The following HTT variants were observed in gnomAD, a reference collection of about 807,000 sequenced individuals.
HTT encodes the protein huntingtin.
HTT carries 104 observed loss-of-function variants against 362.3 expected under a neutral mutation model. The observed-to-expected ratio is 0.29, with a 90% CI of 0.24 to 0.34. The LOEUF (loss-of-function observed/expected upper bound fraction) is 0.34, where lower values mean the gene tolerates loss of function less well. HTT is among the 10% of genes least tolerant of loss of function. The probability of loss-of-function intolerance (pLI) is 1.00; values close to 1 mark genes in which losing one functional copy is unlikely to be tolerated. For missense variants in HTT, 3,301 were observed against 3,928.6 expected, an observed-to-expected ratio of 0.84 and a Z score of 4.27; for synonymous variants, 1,577 against 1,548.7, an observed-to-expected ratio of 1.02 and a Z score of -0.43.
At chr4:3,183,543 G>A (rs915562667) in intron 37 of HTT, among the ~76,000 whole-genome samples, 12 of 152,220 alleles carry the variant, frequency 7.9e-5, no homozygotes, top group Non-Finnish European at 1.0e-4. Flanking sequence ...AGAGGCATGT[G>A]ATATTGATGT....
At chr4:3,212,434 G>A (rs948878691) in intron 48 of HTT, 130 bp from the exon 49 acceptor site, 17 of 1,196,784 alleles carry the variant, frequency 1.4e-5, no homozygotes, top group Non-Finnish European at 2.0e-5. Flanking sequence ...GTGGACGGAT[G>A]TGTAGATGTG....
intron 31 of HTT, among the ~76,000 whole-genome samples, chr4:3,173,555 C>T (rs1718089396): frequency 6.6e-6 from 1 of 152,186 alleles, no homozygotes; most frequent in South Asian, 2.1e-4. Flanking sequence ...AGAACAGCTT[C>T]ATAGCAGCAC....
intron 51 of HTT, among the ~76,000 whole-genome samples, chr4:3,216,824 G>A (rs1449035547): frequency 1.3e-5 from 2 of 152,050 alleles, no homozygotes; most frequent in Non-Finnish European, 2.9e-5. Context: ...AGGAGATCGA[G>A]ACCATCCCAG....
chr4:3,213,286 G>A (rs1383391664), intron 49 of HTT, among the ~76,000 whole-genome samples: 3 of 152,232 alleles, frequency 2.0e-5, no homozygotes, highest in Non-Finnish European at 2.9e-5. Flanking sequence ...TGAACCACGT[G>A]GAGTCATATG....
chr4:3,184,652 T>C (rs948622741), intron 37 of HTT, among the ~76,000 whole-genome samples: 3 of 151,748 alleles, frequency 2.0e-5, no homozygotes, highest in Admixed American at 6.6e-5. Context: ...AGGGCAGACA[T>C]TGGGGGCAGC....
chr4:3,193,583 C>G (rs1257348799), intron 40 of HTT, among the ~76,000 whole-genome samples: 2 of 152,174 alleles, frequency 1.3e-5, no homozygotes, highest in East Asian at 3.8e-4. Flanking sequence ...TCCTCTCCTT[C>G]CATCTCACAA....
chr4:3,203,926 A>T, intron 41 of HTT, 81 bp from the exon 42 acceptor site: 2 of 1,370,868 alleles, frequency 1.5e-6, no homozygotes, highest in African/African-American at 1.4e-5. Context: ...AACTAGAATT[A>T]AACATAATCA....
rs118005095 is a variant in HTT, at chr4:3,127,513, G to C, written c.1652G>C (p.Gly551Ala). The C allele has an allele frequency of 6.2e-7, 1 of 1,614,104 alleles. No homozygotes were observed. The highest frequency in any genetic ancestry group is 1.7e-5 in the Admixed American group (1 of 60,004). ...PSDPAMDLND[G>A]TQASSPISDS... ...GACCCTGCCATGGACCTGAATGATG[G>C]GACCCAGGCCTCGTCGCCCATCAGC... is the stretch of plus-strand genomic sequence containing the variant. The change falls in exon 12 of 67, where the codon GGG becomes GCG. Residue 551 changes from glycine to alanine, a missense_variant. Physicochemically the swap from Gly to Ala is moderately conservative, Grantham distance 60 (BLOSUM62 0). Transcript: ENST00000355072.
At chr4:3,197,031 GTTC>G (rs2110258840) in intron 40 of HTT, among the ~76,000 whole-genome samples, 1 of 152,254 alleles carries the variant, frequency 6.6e-6, no homozygotes, top group African/African-American at 2.4e-5. Flanking sequence ...GGCTGCCTGT[GTTC>G]TTTCTTTCTA....
At chr4:3,154,600 C>T (rs1477004492) in intron 27 of HTT, among the ~76,000 whole-genome samples, 181 bp downstream of exon 27, 3 of 152,236 alleles carry the variant, frequency 2.0e-5, no homozygotes, top group Non-Finnish European at 4.4e-5. Context: ...CACAGACCAC[C>T]TTTTGGTCTG....
intron 40 of HTT, among the ~76,000 whole-genome samples, chr4:3,189,296 A>G (rs1050292653): frequency 6.6e-6 from 1 of 152,248 alleles, no homozygotes; most frequent in African/African-American, 2.4e-5. Flanking sequence ...AAGAATGGAA[A>G]GCAGGGTGGT....
At chr4:3,146,479 C>T (rs569851991) in intron 24 of HTT, among the ~76,000 whole-genome samples, 10 of 152,332 alleles carry the variant, frequency 6.6e-5, no homozygotes, top group African/African-American at 2.2e-4. Flanking sequence ...ATGGCATTAA[C>T]ATGCCCAAAT....
intron 27 of HTT, 53 bp downstream of exon 27, chr4:3,154,472 G>A: frequency 6.3e-7 from 1 of 1,587,642 alleles, no homozygotes; most frequent in Non-Finnish European, 8.6e-7. Flanking sequence ...CTGTCATGTA[G>A]AAACATAGGA....
chr4:3,228,698 C>G lies in HTT; in HGVS notation c.7932C>G (p.Ala2644=). The G allele has an allele frequency of 6.2e-7, 1 of 1,610,294 alleles. No individual in the cohort carries two copies. The highest frequency in any genetic ancestry group is 8.5e-7 in the Non-Finnish European group (1 of 1,177,732). Residue 2644 remains alanine (A), a synonymous_variant, in exon 58 of 67, where the codon GCC becomes GCG. Coordinates refer to ENST00000355072, the MANE Select transcript of HTT (RefSeq NM_001388492.1). This position sits in a 1 kb window ranked among gnomAD's most constrained non-coding sequence, Gnocchi z 4.3. ...EEWDEEEEEE[A]DAPAPSSPPT... ...GGGACGAGGAAGAGGAGGAGGAGGC[C>G]GACGCCCCTGCACCTTCGTCACCAC...
Position 3,146,907 on chromosome 4 carries a change from C to T in HTT, c.3254C>T (p.Ala1085Val). Residue 1085 changes from alanine to valine, a missense_variant, in exon 25 of 67, where the codon GCC becomes GTC. Around this residue, in one of 4 missense-constraint regions of HTT, gnomAD observed 2,316 missense variants for 2,658.5 expected, o/e 0.87. Coordinates refer to ENST00000355072, the MANE Select transcript of HTT (RefSeq NM_001388492.1). ...GCTTGGTTCCCATTGGATCTCTCAG[C>T]CCATCAAGATGCTTTGATTTTGGCC... ...SSAWFPLDLS[A>V]HQDALILAGN... The T allele has an allele frequency of 6.2e-7, 1 of 1,614,164 alleles. No homozygotes were observed. The highest frequency in any genetic ancestry group is 8.5e-7 in the Non-Finnish European group (1 of 1,180,008).
chr4:3,165,762 C>G (rs1369282754), intron 29 of HTT, among the ~76,000 whole-genome samples: 1 of 152,016 alleles, frequency 6.6e-6, no homozygotes, highest in Non-Finnish European at 1.5e-5. Flanking sequence ...TTAGCTCCAT[C>G]AGGTCATTTA....
chr4:3,114,956 G>C (rs987515700), intron 6 of HTT, among the ~76,000 whole-genome samples: 1 of 152,152 alleles, frequency 6.6e-6, no homozygotes, highest in Non-Finnish European at 1.5e-5. Context: ...CAGTTGGCTA[G>C]TACTCTTTTC....
intron 25 of HTT, 32 bp from the exon 26 acceptor site, chr4:3,147,973 G>A (rs200353055): frequency 5.8e-6 from 9 of 1,550,400 alleles, no homozygotes; most frequent in Admixed American, 1.8e-5. Context: ...TGCTATTGGG[G>A]TGGAGAGGTA....
chr4:3,136,723 A>G (rs905064664), intron 21 of HTT, among the ~76,000 whole-genome samples: 3 of 152,110 alleles, frequency 2.0e-5, no homozygotes, highest in Admixed American at 6.5e-5. Context: ...TAATCTGACA[A>G]TTTCCACTTA....
Sources: gnomAD v4.1 joint callset for allele counts (sites outside exome capture counted in the v4.1 genomes callset) on GRCh38, gnomAD v4.1.1 for gene constraint, gnomAD v4.1.1 regional missense constraint, Gnocchi (gnomAD v3.1) non-coding constraint, MANE v1.5 for transcripts, NCBI Gene and HGNC (gene_info 2026-07-23, HGNC 2026-07-21) for gene names.